The following BTD variants were observed in gnomAD, a reference collection of about 807,000 sequenced individuals.
The protein encoded by BTD is biotinidase.
Under a neutral mutation model 17.7 loss-of-function variants are expected in BTD, and 13 were observed. That is an observed-to-expected ratio of 0.74 (90% confidence interval 0.48 to 1.17). BTD has a LOEUF of 1.17. Among genes scored for constraint, BTD ranks in the 50% most tolerant of loss-of-function variants. The pLI, the probability that BTD is intolerant of heterozygous loss-of-function variation, is 0.00. For missense variants in BTD, 674 were observed against 650.4 expected (o/e 1.04, Z -0.39); for synonymous variants, 240 against 245.2 (o/e 0.98, Z 0.20).
chr3:15,684,053 G>C (rs879848614), intron 3 of BTD: 4 of 152,020 alleles, frequency 2.6e-5, no homozygotes, highest in Admixed American at 2.6e-4. Flanking sequence ...CATTAATCTT[G>C]AAGCTACACT....
At chr3:15,638,420 C>T (rs188418554) in intron 2 of BTD, among the ~76,000 whole-genome samples, 7 of 152,292 alleles carry the variant, frequency 4.6e-5, no homozygotes, top group African/African-American at 1.2e-4. Context: ...CTGCTGGCCA[C>T]GCAGACTCAC....
At position 15,691,419 on chromosome 3, in the gene BTD, G is replaced by A. The variant is rs981128033; in HGVS notation, c.400-18641G>A. On this transcript the variant is annotated intron_variant, in intron 3 of 3. Transcript: ENST00000672141. Reference sequence around the variant, plus strand: ...ATTACAGGCGTGAGCCACTGCGCCCGGCCCCGAGTTGCCTTCTTCATACAG... The same window carrying A: ...ATTACAGGCGTGAGCCACTGCGCCCAGCCCCGAGTTGCCTTCTTCATACAG... 2.6e-5 allele frequency among the ~76,000 whole-genome samples: 4 copies of A among 152,274 alleles called. No individual in the cohort carries two copies. In the South Asian group the frequency reaches 8.3e-4, roughly 32 times the overall value.
intron 3 of BTD, chr3:15,689,856 G>T: frequency 1.6e-6 from 1 of 624,110 alleles, no homozygotes; most frequent in Non-Finnish European, 2.7e-6. Flanking sequence ...AAATTCATTT[G>T]TGTGAATAAA....
chr3:15,694,604 C>A (rs776827050), intron 3 of BTD: 105 of 532,946 alleles, frequency 2.0e-4, no homozygotes, highest in Non-Finnish European at 3.1e-4. Flanking sequence ...AAAGAAAGTT[C>A]TCAAAGTTTT....
At chr3:15,677,501 G>C in intron 3 of BTD, 1 of 1,612,284 alleles carries the variant, frequency 6.2e-7, no homozygotes, top group Non-Finnish European at 8.5e-7. Context: ...CCAAATGGAG[G>C]GCAGTATTTT....
intron 1 of BTD, 30 bp downstream of exon 1, chr3:15,601,924 G>A (rs146042873): frequency 1.6e-5 from 26 of 1,612,432 alleles, no homozygotes; most frequent in Middle Eastern, 2.0e-4. Flanking sequence ...CGGCGCGGAG[G>A]GGGTGTGGTA....
intron 1 of BTD, among the ~76,000 whole-genome samples, chr3:15,628,853 C>A (rs2065133037): frequency 1.3e-5 from 2 of 152,060 alleles, no homozygotes; most frequent in South Asian, 2.1e-4. Context: ...TTCATTTTTG[C>A]AGGATATGGT....
intron 3 of BTD, chr3:15,696,345 T>G (rs1484674229): frequency 1.4e-6 from 1 of 693,786 alleles, no homozygotes; most frequent in Admixed American, 3.3e-5. Flanking sequence ...TTTCTTATAC[T>G]TGAGTAATAT....
intron 3 of BTD, among the ~76,000 whole-genome samples, chr3:15,704,240 T>A (rs1444935436): frequency 6.6e-6 from 1 of 152,138 alleles, no homozygotes; most frequent in East Asian, 1.9e-4. Context: ...TGAATGACTG[T>A]CTACCAAGAA....
intron 3 of BTD, among the ~76,000 whole-genome samples, chr3:15,665,247 G>A (rs2065965396): frequency 6.6e-6 from 1 of 152,182 alleles, no homozygotes; most frequent in Non-Finnish European, 1.5e-5. Flanking sequence ...GAGAGCACTA[G>A]ATATCAGCAT....
chr3:15,663,593 T>C (rs74829767), intron 3 of BTD, among the ~76,000 whole-genome samples: 6,504 of 152,252 alleles, frequency 0.043, 456 homozygotes, highest in African/African-American at 0.15. Context: ...GTTATCAAAT[T>C]TGTTGGCATG....
At chr3:15,712,462 C>T (rs565747798) in exon 4 of BTD, among the ~76,000 whole-genome samples, 3 of 152,266 alleles carry the variant, frequency 2.0e-5, no homozygotes, top group Admixed American at 6.5e-5. Flanking sequence ...GCTGGGGAAA[C>T]GTGAGAAGCC....
chr3:15,688,929 A>C (rs1179807807), intron 3 of BTD, among the ~76,000 whole-genome samples: 1 of 152,264 alleles, frequency 6.6e-6, no homozygotes, highest in East Asian at 1.9e-4. Context: ...ATCACTTGTT[A>C]AATGAAAGAT....
chr3:15,654,483 A>G (rs545080253), downstream of BTD, among the ~76,000 whole-genome samples: 3 of 152,236 alleles, frequency 2.0e-5, no homozygotes, highest in South Asian at 4.1e-4. Context: ...ATAGCTATTT[A>G]AGGGAAAAAT....
At chr3:15,714,019 C>T (rs981065617), downstream of BTD, among the ~76,000 whole-genome samples, 9 of 150,436 alleles carry the variant, frequency 6.0e-5, no homozygotes, top group Non-Finnish European at 1.3e-4. Flanking sequence ...GGATCATGAA[C>T]CTATTTCAAC....
At chr3:15,681,667 A>G (rs2067560335) in intron 3 of BTD, among the ~76,000 whole-genome samples, 1 of 152,194 alleles carries the variant, frequency 6.6e-6, no homozygotes, top group Admixed American at 6.5e-5. Flanking sequence ...ATAATTGTGG[A>G]AAAGTAATTT....
intron 1 of BTD, among the ~76,000 whole-genome samples, chr3:15,633,893 T>G (rs1204609105): frequency 6.6e-6 from 1 of 152,240 alleles, no homozygotes; most frequent in East Asian, 1.9e-4. Flanking sequence ...AGCTTATCAA[T>G]TATACTTTTG....
intron 1 of BTD, among the ~76,000 whole-genome samples, chr3:15,630,332 C>T (rs562634151): frequency 6.6e-5 from 10 of 152,192 alleles, no homozygotes; most frequent in African/African-American, 2.4e-4. Flanking sequence ...AGTTTGTCCA[C>T]GGAGTGGCAG....
intron 3 of BTD, among the ~76,000 whole-genome samples, chr3:15,674,825 G>A (rs371378864): frequency 3.3e-5 from 5 of 152,188 alleles, no homozygotes; most frequent in East Asian, 3.8e-4. Flanking sequence ...CAAAGGAAAC[G>A]ATCAGTTGTG....
Sources: gnomAD v4.1 joint callset for allele counts (sites outside exome capture counted in the v4.1 genomes callset) on GRCh38, gnomAD v4.1.1 for gene constraint, MANE v1.5 for transcripts, NCBI Gene and HGNC (gene_info 2026-07-23, HGNC 2026-07-21) for gene names.